NT5DC4: variants seen among roughly 807,000 people sequenced by gnomAD.
The protein encoded by NT5DC4 is 5'-nucleotidase domain containing 4.
A neutral mutation model predicts 26.6 loss-of-function variants in NT5DC4; 44 were observed. The observed-to-expected ratio is 1.65, with a 90% confidence interval of 1.30 to 2.13. The LOEUF is 2.13. Ranked by LOEUF, NT5DC4 falls within the 30% of genes most tolerant of loss-of-function variation. The pLI, the probability that NT5DC4 is intolerant of heterozygous loss-of-function variation, is 0.00. For synonymous variants in NT5DC4, 157 were observed against 86.7 expected, an observed-to-expected ratio of 1.81 and a Z score of -4.51; for missense variants, 399 against 228.1, an observed-to-expected ratio of 1.75 and a Z score of -4.83.
chr2:112,719,950 CTT>C (rs1173421817), upstream of NT5DC4, among the ~76,000 whole-genome samples: 5 of 110,764 alleles, frequency 4.5e-5, no homozygotes, highest in African/African-American at 1.9e-4. Flanking sequence ...TTCTTTCTTT[CTT>C]TCTTTCTTTC....
chr2:112,736,926 T>C (rs575282409), intron 16 of NT5DC4: 120 of 151,350 alleles, frequency 7.9e-4, no homozygotes, highest in African/African-American at 2.9e-3. Flanking sequence ...GAGGTGATGA[T>C]TTCATCTTTT....
chr2:112,728,528 A>T (rs1271708901), intron 15 of NT5DC4, among the ~76,000 whole-genome samples: 1 of 152,200 alleles, frequency 6.6e-6, no homozygotes, highest in Non-Finnish European at 1.5e-5. Flanking sequence ...AGTTGGCATC[A>T]TCATTTCCAT....
intron 16 of NT5DC4, among the ~76,000 whole-genome samples, chr2:112,730,310 C>CAAAAAA (rs11375761): frequency 9.2e-5 from 7 of 76,158 alleles, no homozygotes; most frequent in Non-Finnish European, 1.2e-4. Context: ...AAGACTGTCT[C>CAAAAAA]AAAAAAAAAA....
intron 1 of NT5DC4, chr2:112,721,497 C>T (rs1230717811): frequency 1.3e-5 from 9 of 717,846 alleles, no homozygotes; most frequent in South Asian, 8.9e-5. Flanking sequence ...CTCACACCAA[C>T]AACTGCACCT....
At chr2:112,724,734 C>A in intron 10 of NT5DC4, 47 bp from the exon 11 acceptor site, 2 of 711,232 alleles carry the variant, frequency 2.8e-6, no homozygotes, top group South Asian at 3.0e-5. Context: ...GTGGCAAGGT[C>A]AGATTTACCA....
At chr2:112,731,309 A>T (rs1678459995) in intron 16 of NT5DC4, 1 of 152,156 alleles carries the variant, frequency 6.6e-6, no homozygotes, top group Non-Finnish European at 1.5e-5. Flanking sequence ...CCTAGAAGGC[A>T]TCCTCAATGG....
At chr2:112,720,425 C>T (rs947782410), upstream of NT5DC4, among the ~76,000 whole-genome samples, 2 of 151,652 alleles carry the variant, frequency 1.3e-5, no homozygotes, top group Non-Finnish European at 3.0e-5. Flanking sequence ...TGATCCAGGT[C>T]ACCGCTCCAA....
Position 112,723,745 on chromosome 2 carries a change from G to T in NT5DC4, c.699G>T (p.Lys233Asn). The part of the protein sequence containing the change: ...KDPRLPILLG[K>N]MKEVGKVFLA... ...CACGCCTCCCCATCCTGCTGGGGAA[G>T]ATGAAGGAGGTTGGGAAAGTGTTTC... Residue 233 changes from lysine to asparagine, a missense_variant, in exon 9 of 17, where the codon AAG becomes AAT. Transcript: ENST00000688554. 1.4e-6 allele frequency: 1 copy of T among 717,334 alleles called. No individual in the cohort carries two copies. Among genetic ancestry groups the T allele is most frequent in the Non-Finnish European group, 2.6e-6 (1 of 385,066 alleles). The allele number at this position is 717,334 out of a possible 1,614,324, so 44.4% of individuals were successfully genotyped here.
chr2:112,725,159 C>T lies in NT5DC4; in HGVS notation c.916-15C>T. The T allele has an allele frequency of 1.4e-6, 1 of 713,494 alleles. No individual in the cohort carries two copies. The highest frequency in any genetic ancestry group is 2.6e-6 in the Non-Finnish European group (1 of 382,182). The allele number at this position is 713,494 out of a possible 1,614,324, so 44.2% of individuals were successfully genotyped here. ...GTGGTTCTCCTGGCTCCAGGGCACC[C>T]CTCTGCCCCTCCAGGACTCAGGAAA... On this transcript the variant is annotated splice_polypyrimidine_tract_variant and intron_variant, in intron 11 of 16. Transcript: ENST00000688554.
At position 112,725,513 on chromosome 2, in the gene NT5DC4, G is replaced by A. The variant is rs1293295520; in HGVS notation, c.1114G>A (p.Glu372Lys). The stretch of plus-strand genomic sequence containing the variant: ...CTGGCGGACTTGCCTGGTGGTTCCT[G>A]AGCTGTCCTGGGAGCTGGACATCTG... The part of the protein sequence containing the change: ...QGWRTCLVVP[E>K]LSWELDIWAQ... Residue 372 changes from glutamate to lysine, a missense_variant, in exon 13 of 17, where the codon GAG becomes AAG. Physicochemically the swap from Glu to Lys is moderately conservative, Grantham distance 56. Coordinates refer to ENST00000688554, the MANE Select transcript of NT5DC4 (RefSeq NM_001393655.1). 1 of 716,612 alleles carries A rather than the reference G, an allele frequency of 1.4e-6. No individual in the cohort carries two copies. Among genetic ancestry groups the A allele is most frequent in the Non-Finnish European group, 2.6e-6 (1 of 384,648 alleles). 44.4% of individuals were successfully genotyped at this position (716,612 alleles called of 1,614,324 possible).
At chr2:112,740,987 C>G, downstream of NT5DC4, 1 of 1,612,810 alleles carries the variant, frequency 6.2e-7, no homozygotes, top group South Asian at 1.1e-5. Flanking sequence ...GTTTCAGCAA[C>G]TAAAGAGTCA....
intron 10 of NT5DC4, 96 bp from the exon 11 acceptor site, chr2:112,724,685 G>T (rs1484672171): frequency 4.4e-6 from 3 of 678,534 alleles, no homozygotes; most frequent in South Asian, 3.2e-5. Context: ...CCAGCTGGGA[G>T]GTTGGTGGGG....
chr2:112,719,992 CT>C (rs1228966753), upstream of NT5DC4, among the ~76,000 whole-genome samples: 6 of 60,352 alleles, frequency 9.9e-5, no homozygotes, highest in Admixed American at 2.2e-4. Flanking sequence ...CTTTCTTTTT[CT>C]TTTCTTTTCT....
In NT5DC4 at chr2:112,723,361, GCACACA is replaced by G. The variant is rs36112869; in HGVS notation, c.622-28_622-23del. 158 of 638,356 alleles carry G rather than the reference GCACACA, an allele frequency of 2.5e-4. 1 individual carries two copies. The highest frequency in any genetic ancestry group is 2.4e-3 in the East Asian group (86 of 35,814). The allele number at this position is 638,356 out of a possible 1,614,324, so 39.5% of individuals were successfully genotyped here. A position where few individuals can be genotyped will look rare whatever the true frequency, so the allele number is the denominator to read the frequency against. On this transcript the variant is annotated intron_variant, in intron 7 of 16. Coordinates refer to ENST00000688554, the MANE Select transcript of NT5DC4 (RefSeq NM_001393655.1). ...CACAGACATGTGGGTGGGTACACAT[GCACACA>G]CACACACACACACACACACACACAC...
chr2:112,725,299 G>T, intron 12 of NT5DC4, 59 bp downstream of exon 12: 1 of 694,468 alleles, frequency 1.4e-6, no homozygotes, highest in Non-Finnish European at 2.7e-6. Context: ...TCGACTAGGA[G>T]CCCAGGCCCC....
chr2:112,724,207 G>A lies in NT5DC4; in HGVS notation c.789+81G>A, dbSNP rs928836608. The A allele has an allele frequency of 2.0e-5, 14 of 713,050 alleles. No homozygotes were observed. In the African/African-American group the frequency reaches 2.3e-4, roughly 12 times the overall value. The allele number at this position is 713,050 out of a possible 1,614,324, so 44.2% of individuals were successfully genotyped here. ...TGCCAGGCTGCACCACGATGCTGAG[G>A]GCCTCTCCCACGTCCAGCCTCCCTT... On this transcript the variant is annotated intron_variant, in intron 10 of 16. Transcript: ENST00000688554.
At chr2:112,738,782 GT>G (rs1341612166) in intron 16 of NT5DC4, 130 bp from the exon 17 acceptor site, 2 of 1,325,870 alleles carry the variant, frequency 1.5e-6, no homozygotes, top group Non-Finnish European at 2.2e-6. Flanking sequence ...CTTGTCTTAT[GT>G]TGGTTCTGAA....
intron 7 of NT5DC4, 93 bp from the exon 8 acceptor site, chr2:112,723,325 C>G (rs971257841): frequency 1.4e-6 from 1 of 689,800 alleles, no homozygotes; most frequent in South Asian, 1.5e-5. Flanking sequence ...GCCCACTTTT[C>G]TCATCTTGGA....
intron 16 of NT5DC4, among the ~76,000 whole-genome samples, chr2:112,732,443 A>G (rs1465342060): frequency 6.6e-6 from 1 of 150,410 alleles, no homozygotes; most frequent in Non-Finnish European, 1.5e-5. Flanking sequence ...AGTAAATCCC[A>G]GGTCTCACTG....
Sources: gnomAD v4.1 joint callset for allele counts (sites outside exome capture counted in the v4.1 genomes callset) on GRCh38, gnomAD v4.1.1 for gene constraint, MANE v1.5 for transcripts, NCBI Gene and HGNC (gene_info 2026-07-23, HGNC 2026-07-21) for gene names.